INTS1: variants seen among roughly 807,000 people sequenced by gnomAD.
INTS1 encodes the protein integrator complex subunit 1.
Under a neutral mutation model 241.6 loss-of-function variants are expected in INTS1, and 137 were observed. The ratio of observed to expected loss-of-function variants is 0.57; its 90% confidence interval spans 0.49 to 0.65. The LOEUF (loss-of-function observed/expected upper bound fraction) is 0.65. Ranked by LOEUF, INTS1 falls within the 30% of genes least tolerant of loss-of-function variation. The pLI is 0.00. For synonymous variants in INTS1, 1,692 were observed against 1,337.8 expected (o/e 1.26, Z -5.78); for missense variants, 3,073 against 3,032.2 (o/e 1.01, Z -0.32).
At position 1,494,819 on chromosome 7, in the gene INTS1, C is replaced by A; in HGVS notation, c.1907G>T (p.Arg636Leu). ...KWDNWPPESD[R>L]NFFLRLCSEV... ...CCCCAGGCGGCAGCGCACTCACTTG[C>A]GGTCACTCTCGGGTGGCCAGTTGTC... The change falls in exon 14 of 48, where the codon CGC (arginine) becomes CTC (leucine). Residue 636 changes from arginine (R) to leucine (L), a missense_variant. Physicochemically the swap from Arg to Leu is moderately radical, Grantham distance 102. Coordinates refer to ENST00000404767, the MANE Select transcript of INTS1 (RefSeq NM_001080453.3). 2 of 1,562,110 alleles carry A rather than the reference C, an allele frequency of 1.3e-6. No homozygotes were observed. Among genetic ancestry groups the A allele is most frequent in the Non-Finnish European group, 1.7e-6 (2 of 1,154,138 alleles).
At chr7:1,483,977 C>A in intron 25 of INTS1, 26 bp downstream of exon 25, 1 of 1,596,984 alleles carries the variant, frequency 6.3e-7, no homozygotes, top group Middle Eastern at 1.7e-4. Flanking sequence ...TCGCCCTCAC[C>A]CGGCCGTAGA....
At chr7:1,496,387 ACGTGGGCGCGG>A in intron 11 of INTS1, 123 bp from the exon 12 acceptor site, 1 of 314,774 alleles carries the variant, frequency 3.2e-6, no homozygotes, top group Middle Eastern at 9.2e-4. Flanking sequence ...CTCCACACCC[ACGTGGGCGCGG>A]CACGGGGTCT....
chr7:1,483,540 C>T, intron 26 of INTS1: 2 of 620,148 alleles, frequency 3.2e-6, no homozygotes, highest in African/African-American at 3.6e-5. Flanking sequence ...ACGTGGGGAT[C>T]TCCCACACGT....
At chr7:1,484,199 G>C (rs768575686) in intron 24 of INTS1, 29 bp from the exon 25 acceptor site, 3 of 1,588,192 alleles carry the variant, frequency 1.9e-6, no homozygotes, top group South Asian at 2.2e-5. Flanking sequence ...GGCGTCAGAG[G>C]CTCCGAGACA....
chr7:1,487,064 A>G lies in INTS1; in HGVS notation c.2684T>C (p.Val895Ala). ...SQSMPWLADL[V>A]QSSEGSLDVL... Reference sequence around the variant, plus strand: ...GTCCAGGGAGCCCTCGCTGGACTGTACCAGGTCCGCCAGCCAGGGCATGGA... The same window carrying G: ...GTCCAGGGAGCCCTCGCTGGACTGTGCCAGGTCCGCCAGCCAGGGCATGGA... The change falls in exon 21 of 48, where the codon GTA becomes GCA. Residue 895 changes from valine (V) to alanine (A), a missense_variant. By Grantham distance (64) the Val-to-Ala change is moderately conservative. Coordinates refer to ENST00000404767, the MANE Select transcript of INTS1 (RefSeq NM_001080453.3). The G allele has an allele frequency of 6.4e-7, 1 of 1,561,248 alleles. No individual in the cohort carries two copies. The highest frequency in any genetic ancestry group is 8.6e-7 in the Non-Finnish European group (1 of 1,157,864).
In INTS1 at chr7:1,478,491, A is replaced by AGGAGCC; in HGVS notation, c.4499_4504dup (p.Leu1501_Leu1502insArgLeu). The AGGAGCC allele has an allele frequency of 1.2e-6, 2 of 1,611,238 alleles. No homozygotes were observed. The highest frequency in any genetic ancestry group is 1.7e-6 in the Non-Finnish European group (2 of 1,179,576). ...GAAGGCCAGGGCCTCGGCCAGGCGCAGGAGCCCCCCTCGCACTGTGGGAGG... is the reference window on the plus strand; with the variant it reads ...GAAGGCCAGGGCCTCGGCCAGGCGCAGGAGCCGGAGCCCCCCTCGCACTGTGGGAGG... On this transcript the variant is annotated inframe_insertion, in exon 33 of 48. Transcript: ENST00000404767.
At chr7:1,476,983 G>C (rs1317791542) in intron 35 of INTS1, 65 bp from the exon 36 acceptor site, 1 of 1,543,158 alleles carries the variant, frequency 6.5e-7, no homozygotes, top group Non-Finnish European at 8.7e-7. Flanking sequence ...GCTGAAGTCA[G>C]CTGACAGCTT....
chr7:1,477,166 G>C (rs1781763825), intron 35 of INTS1, among the ~76,000 whole-genome samples: 1 of 152,230 alleles, frequency 6.6e-6, no homozygotes, highest in Non-Finnish European at 1.5e-5. Context: ...CTCTGGTGAG[G>C]CCGTCCCTCC....
At chr7:1,496,030 G>T in intron 12 of INTS1, 126 bp downstream of exon 12, 1 of 687,718 alleles carries the variant, frequency 1.5e-6, no homozygotes, top group Non-Finnish European at 2.5e-6. Context: ...GTGTCCCCGA[G>T]TAGCCGTGCT....
Position 1,489,536 on chromosome 7 carries a change from G to A in INTS1, c.2257+55C>T, listed in dbSNP as rs912266343. 2.2e-5 allele frequency: 33 copies of A among 1,524,722 alleles called. No homozygotes were observed. In the African/African-American group the frequency reaches 4.1e-4, roughly 19 times the overall value. 94.4% of individuals were successfully genotyped at this position (1,524,722 alleles called of 1,614,324 possible). ...GTCCCAACAGACAAACTGCCCCAAA[G>A]GAATAAGGACCAGCAGGGCCACGTG... On this transcript the variant is annotated intron_variant, in intron 17 of 47. Transcript: ENST00000404767.
chr7:1,482,824 G>A, intron 26 of INTS1, 117 bp from the exon 27 acceptor site: 15 of 1,247,966 alleles, frequency 1.2e-5, no homozygotes, highest in Middle Eastern at 2.0e-4. Context: ...AGACTTGGGA[G>A]GAGCACGGGG....
chr7:1,504,012 G>A lies in INTS1; in HGVS notation c.-41-11C>T, dbSNP rs73270204. 2.4e-3 allele frequency: 3,287 copies of A among 1,360,320 alleles called. 32 individuals are homozygous for A. In the African/African-American group the frequency reaches 0.025, roughly 10 times the overall value. The allele number at this position is 1,360,320 out of a possible 1,614,324, so 84.3% of individuals were successfully genotyped here. ...CGGCTGCGGCGTCACCTGCGGAGGAGCCAGCGTGCGGTCATTCCTTCACTC... is the reference window on the plus strand; with the variant it reads ...CGGCTGCGGCGTCACCTGCGGAGGAACCAGCGTGCGGTCATTCCTTCACTC... On this transcript the variant is annotated splice_polypyrimidine_tract_variant and intron_variant, in intron 1 of 47. Transcript: ENST00000404767.
At position 1,499,977 on chromosome 7, in the gene INTS1, C is replaced by T. The variant is rs776876050; in HGVS notation, c.591G>A (p.Lys197=). The change falls in exon 5 of 48, where the codon AAG becomes AAA. Residue 197 remains lysine (K), a synonymous_variant. Transcript: ENST00000404767. ...LLRRDASINF[K]AKGNSLVSVL... ...CAGACACCAGGCTGTTCCCCTTGGC[C>T]TTGAAGTTGATGGAGGCGTCCCGCC... The T allele has an allele frequency of 6.2e-7, 1 of 1,613,652 alleles. No homozygotes were observed. Among genetic ancestry groups the T allele is most frequent in the Non-Finnish European group, 8.5e-7 (1 of 1,179,870 alleles).
chr7:1,476,717 G>A lies in INTS1; in HGVS notation c.5064-60C>T, dbSNP rs1161978906. On this transcript the variant is annotated intron_variant, in intron 36 of 47. Transcript: ENST00000404767. ...TCTCGTCTCAGCATGGGAGATACCA[G>A]TCAGAGCCGGCGCTGGGAGATTTCT... The A allele has an allele frequency of 3.1e-6, 5 of 1,612,098 alleles. No individual in the cohort carries two copies. In the East Asian group the frequency reaches 8.9e-5, roughly 29 times the overall value.
At chr7:1,474,870 G>A (rs1479919329) in intron 39 of INTS1, 32 bp from the exon 40 acceptor site, 47 of 1,550,650 alleles carry the variant, frequency 3.0e-5, no homozygotes, top group Non-Finnish European at 3.1e-5. Context: ...GGCCGGGGCC[G>A]CTGGCTCCCC....
At chr7:1,504,258 C>A in intron 1 of INTS1, 65 bp downstream of exon 1, 1 of 586,808 alleles carries the variant, frequency 1.7e-6, no homozygotes, top group Non-Finnish European at 3.1e-6. Context: ...AGGCCGGGAG[C>A]GGTAGCCGGG....
intron 29 of INTS1, among the ~76,000 whole-genome samples, 183 bp from the exon 30 acceptor site, chr7:1,480,624 C>A (rs1459988400): frequency 6.6e-6 from 1 of 152,204 alleles, no homozygotes; most frequent in Non-Finnish European, 1.5e-5. Context: ...TCTCAAGACT[C>A]TGAACAGGAA....
chr7:1,478,019 G>T (rs1465816709), intron 33 of INTS1, 83 bp from the exon 34 acceptor site: 23 of 1,156,318 alleles, frequency 2.0e-5, no homozygotes, highest in Admixed American at 1.1e-4. Flanking sequence ...CCAGGGTGGG[G>T]TGTGGGGTGA....
chr7:1,483,434 G>A (rs542101765), intron 26 of INTS1: 42 of 457,384 alleles, frequency 9.2e-5, no homozygotes, highest in Middle Eastern at 6.2e-4. Flanking sequence ...CCCAGGCACC[G>A]CAGGCCTACA....
Sources: allele counts gnomAD v4.1 joint callset (sites outside exome capture counted in the v4.1 genomes callset), GRCh38; gene constraint gnomAD v4.1.1; transcripts MANE v1.5; gene names NCBI Gene and HGNC (gene_info 2026-07-23, HGNC 2026-07-21).